Variants in OSBPL8 observed in about 807,000 individuals in gnomAD.
OSBPL8 encodes oxysterol-binding protein-related protein 8.
A neutral mutation model predicts 125.5 loss-of-function variants in OSBPL8; 59 were observed. The ratio of observed to expected loss-of-function variants is 0.47; its 90% CI spans 0.38 to 0.58. The LOEUF is 0.58. OSBPL8 is among the 20% of genes least tolerant of loss of function. The probability of loss-of-function intolerance (pLI) is 0.00; values close to 1 mark genes in which losing one functional copy is unlikely to be tolerated. For synonymous variants in OSBPL8, 330 were observed against 338.9 expected, an observed-to-expected ratio of 0.97 and a Z score of 0.29; for missense variants, 758 against 1,047.8, an observed-to-expected ratio of 0.72 and a Z score of 3.82.
chr12:76,458,065 A>T (rs1319238253), intron 3 of OSBPL8, among the ~76,000 whole-genome samples: 1 of 151,972 alleles, frequency 6.6e-6, no homozygotes, highest in Admixed American at 6.6e-5. Flanking sequence ...TGAGTCCAGG[A>T]GTTTAAGACC....
chr12:76,428,089 T>C (rs943524076), intron 4 of OSBPL8, among the ~76,000 whole-genome samples: 1 of 152,096 alleles, frequency 6.6e-6, no homozygotes, highest in Non-Finnish European at 1.5e-5. Context: ...GGTATCTTTC[T>C]TCTGAAATTC....
chr12:76,510,321 T>C lies in OSBPL8; in HGVS notation c.-67-22703A>G, dbSNP rs891655879. Among the ~76,000 whole-genome samples, 19 of 152,350 alleles carry C rather than the reference T, an allele frequency of 1.2e-4. No homozygotes were observed. The South Asian group carries it at 2.1e-3, about 17-fold the overall frequency. On this transcript the variant is annotated intron_variant, in intron 1 of 23. Coordinates refer to ENST00000261183, the MANE Select transcript of OSBPL8 (RefSeq NM_020841.5). ...TGTACTAAAGGTTTTCTTGATCTAT[T>C]GTTTTATAAATACCTACTACTTATG... is the stretch of plus-strand genomic sequence containing the variant.
At chr12:76,383,449 C>T (rs145509199) in intron 15 of OSBPL8, among the ~76,000 whole-genome samples, 113 of 151,392 alleles carry the variant, frequency 7.5e-4, no homozygotes, top group Non-Finnish European at 1.3e-3. Context: ...ATAAAAGACA[C>T]CTTGAAGAAA....
rs1030805053 is a variant in OSBPL8 at position 76,373,218 on chromosome 12, T to C, written c.1917+126A>G. On this transcript the variant is annotated intron_variant, in intron 18 of 23. Transcript: ENST00000261183. ...CAGAACACCACCAAAATATCTGCTA[T>C]TAAGATGAAGCTTATGTTAAATAGT... is the stretch of plus-strand genomic sequence containing the variant. The C allele has an allele frequency of 1.4e-5, 8 of 561,098 alleles. No individual in the cohort carries two copies. In the African/African-American group the frequency reaches 1.5e-4, roughly 11 times the overall value. The allele number at this position is 561,098 out of a possible 1,614,324, so 34.8% of individuals were successfully genotyped here. A position where few individuals can be genotyped will look rare whatever the true frequency, so the allele number is the denominator to read the frequency against.
At chr12:76,534,824 A>G (rs1249469899) in intron 1 of OSBPL8, among the ~76,000 whole-genome samples, 1 of 152,196 alleles carries the variant, frequency 6.6e-6, no homozygotes, top group Non-Finnish European at 1.5e-5. Context: ...AATGGAATAG[A>G]ATAAGGAGTC....
intron 4 of OSBPL8, among the ~76,000 whole-genome samples, chr12:76,436,241 C>T (rs1055702625): frequency 1.3e-5 from 2 of 152,046 alleles, no homozygotes; most frequent in African/African-American, 2.4e-5. Context: ...TTACTGGCTG[C>T]CACACTCCAA....
intron 4 of OSBPL8, among the ~76,000 whole-genome samples, chr12:76,446,927 C>A (rs1408395676): frequency 1.3e-5 from 2 of 152,130 alleles, no homozygotes; most frequent in African/African-American, 4.8e-5. Flanking sequence ...TCACATTACG[C>A]CTTCAATCAA....
chr12:76,474,396 G>T (rs901140221), intron 2 of OSBPL8, among the ~76,000 whole-genome samples: 2 of 151,918 alleles, frequency 1.3e-5, no homozygotes, highest in Non-Finnish European at 2.9e-5. Flanking sequence ...GGGATGGGGG[G>T]ATAAATTTAT....
Position 76,369,806 on chromosome 12 carries a change from T to C in OSBPL8, c.2071A>G (p.Thr691Ala), listed in dbSNP as rs1952552439. 2 of 1,612,862 alleles carry C rather than the reference T, an allele frequency of 1.2e-6. No individual in the cohort carries two copies. Among genetic ancestry groups the C allele is most frequent in the Admixed American group, 1.7e-5 (1 of 59,766 alleles). ...TGGTCTTTGGCATTTATGGCTCGAG[T>C]TACCCGTTGCCAGAGTCTAATACAT... ...FESEKLWQRV[T>A]RAINAKDQTE... is the part of the protein sequence containing the mutation. The change falls in exon 20 of 24, where the codon ACT (threonine) becomes GCT (alanine). Residue 691 changes from threonine to alanine, a missense_variant. Thr to Ala is a moderately conservative substitution (Grantham distance 58). Transcript: ENST00000261183.
At chr12:76,388,856 T>A (rs990442172) in intron 12 of OSBPL8, among the ~76,000 whole-genome samples, 1 of 152,176 alleles carries the variant, frequency 6.6e-6, no homozygotes, top group African/African-American at 2.4e-5. Flanking sequence ...ACTCAGCTTA[T>A]TTTTTTCAAT....
chr12:76,418,274 G>C (rs1274793919), intron 4 of OSBPL8, among the ~76,000 whole-genome samples: 1 of 151,868 alleles, frequency 6.6e-6, no homozygotes, highest in Admixed American at 6.6e-5. Flanking sequence ...CAATGTGCTG[G>C]GATTACAGGT....
rs114277675 is a variant in OSBPL8 at position 76,459,434 on chromosome 12, C to T, written c.79+425G>A. 8.5e-5 allele frequency among the ~76,000 whole-genome samples: 13 copies of T among 152,194 alleles called. No individual in the cohort carries two copies. The East Asian group carries it at 2.3e-3, about 27-fold the overall frequency. ...TAAAACATGTTTCACTTATAAAATACCCAAAGTATAAAACAATTTTCGTAA... is the reference window on the plus strand; with the variant it reads ...TAAAACATGTTTCACTTATAAAATATCCAAAGTATAAAACAATTTTCGTAA... On this transcript the variant is annotated intron_variant, in intron 3 of 23. Transcript: ENST00000261183.
At chr12:76,513,198 GATTGTTTTATATCCA>G (rs1881180480) in intron 1 of OSBPL8, among the ~76,000 whole-genome samples, 1 of 152,024 alleles carries the variant, frequency 6.6e-6, no homozygotes, top group Admixed American at 6.6e-5. Context: ...ATTTGCTGAG[GATTGTTTTATATCCA>G]ATTATGTGAT....
intron 1 of OSBPL8, among the ~76,000 whole-genome samples, chr12:76,506,704 C>T (rs74103493): frequency 0.018 from 2,809 of 152,200 alleles, 67 homozygotes; most frequent in African/African-American, 0.06. Flanking sequence ...AATTCCACAC[C>T]TTTGATAACA....
chr12:76,513,592 TA>T (rs1386635377), intron 1 of OSBPL8, among the ~76,000 whole-genome samples: 1 of 152,188 alleles, frequency 6.6e-6, no homozygotes, highest in African/African-American at 2.4e-5. Context: ...ACTTGCTTGA[TA>T]AATCTGGGTG....
intron 1 of OSBPL8, among the ~76,000 whole-genome samples, chr12:76,509,231 A>G (rs574252773): frequency 6.6e-6 from 1 of 152,298 alleles, no homozygotes; most frequent in South Asian, 2.1e-4. Context: ...GGGCTATAGC[A>G]TATAGCCTAG....
intron 5 of OSBPL8, among the ~76,000 whole-genome samples, chr12:76,410,090 T>C (rs1158797747): frequency 1.3e-5 from 2 of 152,262 alleles, no homozygotes; most frequent in East Asian, 3.9e-4. Flanking sequence ...TGTCTAAGTA[T>C]CCCAGTTTCA....
rs535566667 is a variant in OSBPL8 at position 76,416,105 on chromosome 12, G to A, written c.218-5471C>T. 1.4e-4 allele frequency among the ~76,000 whole-genome samples: 22 copies of A among 152,076 alleles called. No individual in the cohort carries two copies. The South Asian group carries it at 4.2e-3, about 29-fold the overall frequency. ...AGCTATATTCCACAAATTTCGATAT[G>A]TAATGCTTTCATAATTGTTCAAGTC... On this transcript the variant is annotated intron_variant, in intron 4 of 23. Coordinates refer to ENST00000261183, the MANE Select transcript of OSBPL8 (RefSeq NM_020841.5).
intron 21 of OSBPL8, among the ~76,000 whole-genome samples, chr12:76,368,008 G>C (rs1027498121): frequency 3.3e-5 from 5 of 152,116 alleles, no homozygotes; most frequent in African/African-American, 4.8e-5. Context: ...TTTTATATTT[G>C]TCCAACTATT....
Sources: allele counts gnomAD v4.1 joint callset (sites outside exome capture counted in the v4.1 genomes callset), GRCh38; gene constraint gnomAD v4.1.1; transcripts MANE v1.5; gene names NCBI Gene and HGNC (gene_info 2026-07-23, HGNC 2026-07-21).